GRK3: variants seen among roughly 807,000 people sequenced by gnomAD.
The protein encoded by GRK3 is G protein-coupled receptor kinase 3, also known as adrenergic, beta, receptor kinase 2.
In GRK3, 54 loss-of-function variants were observed where a neutral mutation model predicts 95.7. The ratio of observed to expected loss-of-function variants is 0.56; its 90% CI spans 0.45 to 0.71. GRK3 has a LOEUF of 0.71. Ranked by LOEUF, GRK3 falls within the 30% of genes least tolerant of loss-of-function variation. The probability of loss-of-function intolerance (pLI) is 0.00; values close to 1 mark genes in which losing one functional copy is unlikely to be tolerated. For missense variants in GRK3, 649 were observed against 851.2 expected (o/e 0.76, Z 2.96); for synonymous variants, 281 against 290.8 (o/e 0.97, Z 0.34).
chr22:25,616,218 A>T, intron 2 of GRK3, among the ~76,000 whole-genome samples: 1 of 152,204 alleles, frequency 6.6e-6, no homozygotes, highest in Non-Finnish European at 1.5e-5. Context: ...ACTGCTGTAA[A>T]GGACTGCTTG....
Position 25,714,553 on chromosome 22 carries a change from A to C in GRK3, c.1637A>C (p.Gln546Pro). ...GCCAGGAAGAGAGCTAAAAATAAGC[A>C]ACTTGGCCACGAAGAAGGTAAAATA... is the stretch of plus-strand genomic sequence containing the variant. ...IEARKRAKNKQLGHEEDYALG... is the reference protein window; with the variant it reads ...IEARKRAKNKPLGHEEDYALG... Residue 546 changes from glutamine (Q) to proline (P), a missense_variant, in exon 18 of 21, where the codon CAA (glutamine) becomes CCA (proline). Physicochemically the swap from Gln to Pro is moderately conservative, Grantham distance 76 (BLOSUM62 -1). Around this residue, in one of 3 missense-constraint regions of GRK3, gnomAD observed 382 missense variants for 493.8 expected, o/e 0.77. Transcript: ENST00000324198. The C allele has an allele frequency of 1.9e-6, 3 of 1,599,946 alleles. No homozygotes were observed. Among genetic ancestry groups the C allele is most frequent in the Non-Finnish European group, 2.6e-6 (3 of 1,175,816 alleles).
intron 1 of GRK3, among the ~76,000 whole-genome samples, chr22:25,585,154 C>T (rs549944749): frequency 1.3e-5 from 2 of 152,416 alleles, no homozygotes; most frequent in South Asian, 2.1e-4. Flanking sequence ...AGGGCCTTCA[C>T]CTCTCGGCCA....
At chr22:25,644,692 T>G (rs749076340) in intron 3 of GRK3, 27 bp downstream of exon 3, 14 of 1,213,536 alleles carry the variant, frequency 1.2e-5, no homozygotes, top group Non-Finnish European at 1.7e-5. Context: ...TTACTGATGC[T>G]TTTCTTTCAA....
intron 19 of GRK3, among the ~76,000 whole-genome samples, chr22:25,720,364 T>C (rs1302125238): frequency 6.6e-6 from 1 of 152,066 alleles, no homozygotes; most frequent in African/African-American, 2.4e-5. Flanking sequence ...CAGAGTGCCA[T>C]TTCTCATTCA....
intron 8 of GRK3, among the ~76,000 whole-genome samples, chr22:25,676,056 G>C (rs1419327721): frequency 6.6e-6 from 1 of 152,232 alleles, no homozygotes; most frequent in East Asian, 1.9e-4. Context: ...CTTGTTATGA[G>C]AATTAAATGA....
chr22:25,690,246 G>A lies in GRK3; in HGVS notation c.1015G>A (p.Ala339Thr). Residue 339 changes from alanine to threonine, a missense_variant, in exon 12 of 21, where the codon GCC becomes ACC. Transcript: ENST00000324198. ...CGCAAGAATATCAGATCTTGGTCTT[G>A]CCTGCGATTTTTCCAAAAAGAAGCC... ...GHARISDLGL[A>T]CDFSKKKPHA... 1 of 1,614,082 alleles carries A rather than the reference G, an allele frequency of 6.2e-7. No homozygotes were observed. The highest frequency in any genetic ancestry group is 1.1e-5 in the South Asian group (1 of 91,076).
At chr22:25,681,634 G>C (rs1249626549) in intron 9 of GRK3, among the ~76,000 whole-genome samples, 1 of 152,198 alleles carries the variant, frequency 6.6e-6, no homozygotes, top group Non-Finnish European at 1.5e-5. Flanking sequence ...TAACTAGAGA[G>C]AGACCATAAT....
chr22:25,693,348 G>A (rs953189654), intron 12 of GRK3, among the ~76,000 whole-genome samples: 6 of 152,124 alleles, frequency 3.9e-5, no homozygotes, highest in African/African-American at 1.4e-4. Context: ...ATGGGGGGCT[G>A]GTCTGCATTC....
intron 13 of GRK3, 107 bp downstream of exon 13, chr22:25,695,321 A>T: frequency 1.3e-6 from 1 of 764,254 alleles, no homozygotes; most frequent in South Asian, 1.8e-5. Flanking sequence ...TTTAAATCAC[A>T]CAGTGATCTT....
intron 1 of GRK3, among the ~76,000 whole-genome samples, chr22:25,585,208 G>A (rs1932259351): frequency 6.6e-6 from 1 of 152,306 alleles, no homozygotes; most frequent in South Asian, 2.1e-4. Flanking sequence ...GAAGTGGGGT[G>A]CACAAGTTCC....
At chr22:25,631,130 C>T (rs898502957) in intron 2 of GRK3, among the ~76,000 whole-genome samples, 3 of 152,184 alleles carry the variant, frequency 2.0e-5, no homozygotes, top group Non-Finnish European at 4.4e-5. Flanking sequence ...AATCCCTAGC[C>T]AGTAGGGACA....
chr22:25,665,963 C>T (rs752939645), intron 5 of GRK3, among the ~76,000 whole-genome samples: 11 of 152,190 alleles, frequency 7.2e-5, no homozygotes, highest in South Asian at 2.1e-4. Context: ...GCCCTGAGCT[C>T]GGCTCTCAGT....
rs370546452 is a variant in GRK3, at chr22:25,674,336, A to G, written c.556-101A>G. The G allele has an allele frequency of 1.1e-4, 104 of 917,136 alleles. 2 individuals carry two copies. In the South Asian group the frequency reaches 1.6e-3, roughly 14 times the overall value. The allele number at this position is 917,136 out of a possible 1,614,324, so 56.8% of individuals were successfully genotyped here. A position where few individuals can be genotyped will look rare whatever the true frequency, so the allele number is the denominator to read the frequency against. On this transcript the variant is annotated intron_variant, in intron 7 of 20. Coordinates refer to ENST00000324198, the MANE Select transcript of GRK3 (RefSeq NM_005160.4). Reference sequence around the variant, plus strand: ...TGAAAAGGGTAGATCCCTAAGTCAGATTGCTATTTTAATTACTGTCTATGT... The same window carrying G: ...TGAAAAGGGTAGATCCCTAAGTCAGGTTGCTATTTTAATTACTGTCTATGT...
chr22:25,607,356 G>GTTTTT (rs528665019), intron 2 of GRK3, among the ~76,000 whole-genome samples: 1 of 136,350 alleles, frequency 7.3e-6, no homozygotes. Flanking sequence ...ACTTAAAAAT[G>GTTTTT]TTTTTTTTTT....
chr22:25,604,252 T>A, intron 1 of GRK3, 125 bp from the exon 2 acceptor site: 1 of 622,046 alleles, frequency 1.6e-6, no homozygotes, highest in Non-Finnish European at 2.7e-6. Context: ...TTTCACGCAG[T>A]TGTGGCAAGA....
intron 1 of GRK3, among the ~76,000 whole-genome samples, chr22:25,603,560 T>C (rs2084423648): frequency 6.6e-6 from 1 of 152,218 alleles, no homozygotes; most frequent in Non-Finnish European, 1.5e-5. Flanking sequence ...ATTCTCTTTC[T>C]TCAGAAGTGT....
chr22:25,624,302 T>G (rs558744740), intron 2 of GRK3, among the ~76,000 whole-genome samples: 24 of 152,104 alleles, frequency 1.6e-4, no homozygotes, highest in Admixed American at 5.2e-4. Flanking sequence ...GGTGGCTCAC[T>G]CCTGTAATCC....
chr22:25,587,285 A>C (rs1932347351), intron 1 of GRK3, among the ~76,000 whole-genome samples: 2 of 152,234 alleles, frequency 1.3e-5, no homozygotes, highest in Non-Finnish European at 2.9e-5. Context: ...CCCTCCCTGC[A>C]TGAGGCTTCC....
At chr22:25,579,915 T>C (rs1287163588) in intron 1 of GRK3, among the ~76,000 whole-genome samples, 1 of 152,178 alleles carries the variant, frequency 6.6e-6, no homozygotes, top group Non-Finnish European at 1.5e-5. Flanking sequence ...AAATGAAAGA[T>C]TGATGGGGAA....
Sources: gnomAD v4.1 joint callset for allele counts (sites outside exome capture counted in the v4.1 genomes callset) on GRCh38, gnomAD v4.1.1 for gene constraint, gnomAD v4.1.1 regional missense constraint, MANE v1.5 for transcripts, NCBI Gene and HGNC (gene_info 2026-07-23, HGNC 2026-07-21) for gene names.